Variants in NDST4 observed in about 807,000 individuals in gnomAD.
NDST4 encodes the protein N-deacetylase and N-sulfotransferase 4.
A neutral mutation model predicts 100.8 loss-of-function variants in NDST4; 63 were observed. That is an observed-to-expected ratio of 0.62 (90% CI 0.51 to 0.77). NDST4 has a LOEUF of 0.77. Among genes scored for constraint, NDST4 ranks in the 30% least tolerant of loss-of-function variants. The probability of loss-of-function intolerance (pLI) is 0.00; values close to 1 mark genes in which losing one functional copy is unlikely to be tolerated. For synonymous variants in NDST4, 377 were observed against 361.8 expected (o/e 1.04, Z -0.48); for missense variants, 943 against 1,018.4 (o/e 0.93, Z 1.01).
intron 2 of NDST4, among the ~76,000 whole-genome samples, chr4:115,045,941 G>A (rs1560578977): frequency 6.6e-6 from 1 of 152,072 alleles, no homozygotes; most frequent in Non-Finnish European, 1.5e-5. Context: ...TAGTGGATCT[G>A]GAGGTGTTCT....
At position 115,069,182 on chromosome 4, in the gene NDST4, GAAGCT is replaced by G. The variant is rs1207261499; in HGVS notation, c.978+6872_978+6876del. Among the ~76,000 whole-genome samples the G allele has an allele frequency of 6.6e-5, 10 of 152,194 alleles. No homozygotes were observed. In the East Asian group the frequency reaches 1.9e-3, roughly 29 times the overall value. On this transcript the variant is annotated intron_variant, in intron 2 of 13. Coordinates refer to ENST00000264363, the MANE Select transcript of NDST4 (RefSeq NM_022569.3). Reference sequence around the variant, plus strand: ...GGAAAAGTATTTTAGTAAAGGCATAGAAGCTAAGAAAAATAGGTCATGGTAGACAT... The same window carrying G: ...GGAAAAGTATTTTAGTAAAGGCATAGAAGAAAAATAGGTCATGGTAGACAT...
intron 6 of NDST4, among the ~76,000 whole-genome samples, chr4:114,909,275 A>T (rs1239413387): frequency 4.6e-5 from 7 of 152,186 alleles, no homozygotes; most frequent in Admixed American, 6.5e-5. Flanking sequence ...CATATTGAGG[A>T]TGTGTGGGTT....
rs191376639 is a variant in NDST4 at position 115,008,386 on chromosome 4, C to T, written c.979-31112G>A. Among the ~76,000 whole-genome samples, 2 of 128,726 alleles carry T rather than the reference C, an allele frequency of 1.6e-5. 1 individual carries two copies. The highest frequency in any genetic ancestry group is 5.9e-5 in the African/African-American group (2 of 33,946). The allele number at this position is 128,726 out of a possible 152,430, so 84.4% of individuals were successfully genotyped here. A position where few individuals can be genotyped will look rare whatever the true frequency, so the allele number is the denominator to read the frequency against. ...TTTAGCTTCAGGAGCTCTTTTAGGG[C>T]AGGCCTGGTGGTGACAAAATCACTC... On this transcript the variant is annotated intron_variant, in intron 2 of 13. Transcript: ENST00000264363.
chr4:115,038,639 G>T (rs1488527051), intron 2 of NDST4, among the ~76,000 whole-genome samples: 1 of 152,174 alleles, frequency 6.6e-6, no homozygotes, highest in Admixed American at 6.6e-5. Context: ...ATTAAGAACA[G>T]ATATTTTTAA....
chr4:115,009,302 A>G (rs1290648412), intron 2 of NDST4, among the ~76,000 whole-genome samples: 1 of 129,464 alleles, frequency 7.7e-6, no homozygotes, highest in Non-Finnish European at 1.7e-5. Flanking sequence ...AGGCTACAGT[A>G]ACCAAAACAG....
intron 6 of NDST4, among the ~76,000 whole-genome samples, chr4:114,894,433 T>C (rs929915197): frequency 2.0e-5 from 3 of 152,178 alleles, no homozygotes; most frequent in Non-Finnish European, 4.4e-5. Context: ...TGTTTTGTAG[T>C]TCTCTTTGAA....
chr4:114,852,791 T>A lies in NDST4; in HGVS notation c.1750A>T (p.Ile584Phe), dbSNP rs537664183. The change falls in exon 8 of 14, where the codon ATC becomes TTC. Residue 584 changes from isoleucine (I) to phenylalanine (F), a missense_variant. Ile to Phe is a conservative substitution (Grantham distance 21, BLOSUM62 0). Around this residue, in one of 2 missense-constraint regions of NDST4, gnomAD observed 526 missense variants for 634.1 expected, o/e 0.83. Coordinates refer to ENST00000264363, the MANE Select transcript of NDST4 (RefSeq NM_022569.3). ...NPCDDKRHKD[I>F]WSREKTCDHL... is the part of the protein sequence containing the mutation. ...TCACAAGTTTTCTCTCTGGACCAGA[T>A]GTCTTTGTGTCGTTTATCATCACAT... 1 of 1,612,682 alleles carries A rather than the reference T, an allele frequency of 6.2e-7. No individual in the cohort carries two copies. The highest frequency in any genetic ancestry group is 1.7e-5 in the Admixed American group (1 of 59,900).
At chr4:115,030,590 C>CT (rs1728094039) in intron 2 of NDST4, among the ~76,000 whole-genome samples, 2 of 151,968 alleles carry the variant, frequency 1.3e-5, no homozygotes, top group Non-Finnish European at 2.9e-5. Context: ...AAAACAGAAA[C>CT]TTTTTTTATT....
At chr4:114,843,731 A>G (rs188010396) in intron 10 of NDST4, among the ~76,000 whole-genome samples, 231 of 152,048 alleles carry the variant, frequency 1.5e-3, no homozygotes, top group African/African-American at 5.5e-3. Flanking sequence ...TGCACTCCTG[A>G]ATTTTTTTCT....
intron 6 of NDST4, among the ~76,000 whole-genome samples, chr4:114,892,841 T>C (rs1275646129): frequency 6.6e-6 from 1 of 152,048 alleles, no homozygotes; most frequent in Admixed American, 6.6e-5. Flanking sequence ...GTTACATTGG[T>C]GTACATGTGC....
intron 4 of NDST4, among the ~76,000 whole-genome samples, chr4:114,954,729 T>C (rs1726097588): frequency 6.6e-6 from 1 of 152,202 alleles, no homozygotes; most frequent in Non-Finnish European, 1.5e-5. Flanking sequence ...TCTCACCAAA[T>C]TGCATGTTGA....
At chr4:114,840,165 C>T (rs1410463426) in intron 10 of NDST4, among the ~76,000 whole-genome samples, 2 of 152,218 alleles carry the variant, frequency 1.3e-5, no homozygotes, top group East Asian at 3.9e-4. Flanking sequence ...ACCCAAGGTC[C>T]TTTCTGTTTG....
intron 6 of NDST4, among the ~76,000 whole-genome samples, chr4:114,903,603 A>G (rs1343561366): frequency 1.3e-5 from 2 of 152,016 alleles, no homozygotes; most frequent in Non-Finnish European, 2.9e-5. Flanking sequence ...GGGCAGAGGT[A>G]TGCCCTGTGA....
intron 2 of NDST4, among the ~76,000 whole-genome samples, chr4:115,053,310 C>G (rs1331612222): frequency 6.6e-6 from 1 of 152,122 alleles, no homozygotes; most frequent in Non-Finnish European, 1.5e-5. Flanking sequence ...GAAAAACATA[C>G]TCAATGTACT....
chr4:114,829,672 A>C (rs1723152484), intron 13 of NDST4, 118 bp downstream of exon 13: 1 of 641,676 alleles, frequency 1.6e-6, no homozygotes, highest in African/African-American at 1.8e-5. Context: ...CTAAGTATAT[A>C]AAATTATTAA....
At chr4:115,032,645 T>C (rs948130584) in intron 2 of NDST4, among the ~76,000 whole-genome samples, 9 of 152,154 alleles carry the variant, frequency 5.9e-5, no homozygotes, top group African/African-American at 2.2e-4. Context: ...ATAGTTTCCA[T>C]TGTAATCTTC....
At chr4:114,922,003 GTAGT>G (rs139053665) in intron 6 of NDST4, among the ~76,000 whole-genome samples, 11,166 of 150,226 alleles carry the variant, frequency 0.074, 593 homozygotes, top group East Asian at 0.28. Context: ...GTTACAGTCG[GTAGT>G]TAGTCAGACC....
intron 2 of NDST4, among the ~76,000 whole-genome samples, chr4:115,003,763 G>T (rs1017215915): frequency 1.3e-5 from 2 of 152,000 alleles, no homozygotes; most frequent in African/African-American, 4.8e-5. Context: ...AGCTACTCGG[G>T]AGGCTGAGGC....
chr4:114,882,144 T>C (rs1724383228), intron 6 of NDST4, among the ~76,000 whole-genome samples: 1 of 152,050 alleles, frequency 6.6e-6, no homozygotes, highest in Admixed American at 6.6e-5. Flanking sequence ...AAGGATTTTT[T>C]TTTTTTTTTA....
Sources: gnomAD v4.1 joint callset for allele counts (sites outside exome capture counted in the v4.1 genomes callset) on GRCh38, gnomAD v4.1.1 for gene constraint, gnomAD v4.1.1 regional missense constraint, MANE v1.5 for transcripts, NCBI Gene and HGNC (gene_info 2026-07-23, HGNC 2026-07-21) for gene names.